The following LARGE1 variants were observed in gnomAD, a reference collection of about 807,000 sequenced individuals.
LARGE1 encodes the protein xylosyl- and glucuronyltransferase LARGE1.
LARGE1 carries 43 observed loss-of-function variants against 87.6 expected under a neutral mutation model. That is an observed-to-expected ratio of 0.49 (90% CI 0.38 to 0.63). The LOEUF (loss-of-function observed/expected upper bound fraction) is 0.63. LARGE1 is among the 30% of genes least tolerant of loss of function. LARGE1 has a pLI of 0.00. For synonymous variants in LARGE1, 434 were observed against 394.6 expected, an observed-to-expected ratio of 1.10 and a Z score of -1.18; for missense variants, 802 against 1,000.2, an observed-to-expected ratio of 0.80 and a Z score of 2.67.
chr22:33,092,447 T>C, the LARGE1 span, among the ~76,000 whole-genome samples: 1 of 152,130 alleles, frequency 6.6e-6, no homozygotes, highest in Non-Finnish European at 1.5e-5. Flanking sequence ...TTTTCTTTTC[T>C]TTTTTAAATT....
chr22:33,546,419 T>C (rs1474252677), intron 6 of LARGE1, among the ~76,000 whole-genome samples: 2 of 152,142 alleles, frequency 1.3e-5, no homozygotes, highest in Non-Finnish European at 2.9e-5. Context: ...ATGGGGGATG[T>C]CTTTCCCAGG....
intron 11 of LARGE1, among the ~76,000 whole-genome samples, chr22:33,238,004 T>C (rs1178914139): frequency 1.3e-5 from 2 of 152,176 alleles, no homozygotes; most frequent in Non-Finnish European, 2.9e-5. Context: ...AAGTTATATC[T>C]TGAGACCAGG....
chr22:33,350,810 AC>A (rs1412120391), intron 9 of LARGE1, among the ~76,000 whole-genome samples: 3 of 152,144 alleles, frequency 2.0e-5, no homozygotes, highest in African/African-American at 7.2e-5. Flanking sequence ...GTCATGCCTG[AC>A]CAGCCAGAAG....
the LARGE1 span, among the ~76,000 whole-genome samples, chr22:33,111,131 G>T: frequency 2.0e-5 from 3 of 152,158 alleles, no homozygotes; most frequent in Admixed American, 6.6e-5. Flanking sequence ...AGGAGGAGCT[G>T]GTTGTAGTTA....
chr22:33,183,636 A>ACACACACGCACG (rs1555880698), intron 11 of LARGE1, among the ~76,000 whole-genome samples: 104 of 150,262 alleles, frequency 6.9e-4, no homozygotes, highest in African/African-American at 1.5e-3. Context: ...ACACACACAC[A>ACACACACGCACG]CACACACACA....
intron 9 of LARGE1, among the ~76,000 whole-genome samples, chr22:33,342,184 G>A (rs1242143621): frequency 6.6e-6 from 1 of 152,184 alleles, no homozygotes; most frequent in Non-Finnish European, 1.5e-5. Flanking sequence ...ACCCAGTGGG[G>A]GGATCGTGTC....
chr22:33,291,711 G>T (rs1025120775), intron 12 of LARGE1, among the ~76,000 whole-genome samples: 1 of 151,008 alleles, frequency 6.6e-6, no homozygotes, highest in African/African-American at 2.4e-5. Flanking sequence ...CTTGACAAGA[G>T]AGAGTTTGGT....
rs1601498121 is a variant in LARGE1 at position 33,336,251 on chromosome 22, A to G, written c.1287+1395T>C. On this transcript the variant is annotated intron_variant, in intron 10 of 14. Transcript: ENST00000397394. ...AGTCTCACTTTGTTGCCCAGGCTTG[A>G]GTGTAGTGGCATGATCTCGGCTCAC... 2.0e-5 allele frequency among the ~76,000 whole-genome samples: 3 copies of G among 152,170 alleles called. No homozygotes were observed. In the East Asian group the frequency reaches 5.8e-4, roughly 29 times the overall value.
At chr22:33,193,642 A>T (rs966043067) in intron 11 of LARGE1, among the ~76,000 whole-genome samples, 11 of 151,966 alleles carry the variant, frequency 7.2e-5, no homozygotes, top group Non-Finnish European at 1.3e-4. Context: ...ACATAGTGAA[A>T]CCCCATCTCT....
At chr22:33,876,295 T>C (rs987039372) in intron 1 of LARGE1, among the ~76,000 whole-genome samples, 1 of 151,844 alleles carries the variant, frequency 6.6e-6, no homozygotes, top group Non-Finnish European at 1.5e-5. Context: ...TGCTCAAAAG[T>C]GTGGGCCCAC....
At chr22:33,843,704 A>G (rs966171895) in intron 1 of LARGE1, among the ~76,000 whole-genome samples, 5 of 152,010 alleles carry the variant, frequency 3.3e-5, no homozygotes, top group African/African-American at 1.2e-4. Context: ...TGCAGGTTTG[A>G]GTGCAGTAAA....
At chr22:33,516,809 C>T (rs2071328030) in intron 6 of LARGE1, among the ~76,000 whole-genome samples, 1 of 152,142 alleles carries the variant, frequency 6.6e-6, no homozygotes, top group African/African-American at 2.4e-5. Context: ...TGGTCTCGAT[C>T]TCTTGACCTT....
intron 2 of LARGE1, among the ~76,000 whole-genome samples, chr22:33,672,122 G>C (rs2081433179): frequency 6.6e-6 from 1 of 152,122 alleles, no homozygotes; most frequent in African/African-American, 2.4e-5. Context: ...ACACCCCTGG[G>C]TTTTAGAAAG....
At chr22:33,097,722 C>G in the LARGE1 span, among the ~76,000 whole-genome samples, 1 of 152,178 alleles carries the variant, frequency 6.6e-6, no homozygotes, top group Non-Finnish European at 1.5e-5. Context: ...AAAGAATTAA[C>G]AGTTGAGGTC....
the LARGE1 span, among the ~76,000 whole-genome samples, chr22:33,143,925 T>A: frequency 6.6e-3 from 1,007 of 152,302 alleles, 10 homozygotes; most frequent in Non-Finnish European, 0.01. Flanking sequence ...TTGCTCTATA[T>A]GTTAAAATTT....
intron 6 of LARGE1, among the ~76,000 whole-genome samples, chr22:33,448,838 C>T (rs367973350): frequency 6.6e-6 from 1 of 152,178 alleles, no homozygotes; most frequent in African/African-American, 2.4e-5. Flanking sequence ...TAGTGCACCA[C>T]GACCATCAAG....
intron 1 of LARGE1, among the ~76,000 whole-genome samples, chr22:33,822,903 C>A (rs1427401181): frequency 6.6e-6 from 1 of 152,148 alleles, no homozygotes; most frequent in Non-Finnish European, 1.5e-5. Context: ...AGAAGTAGAA[C>A]ATGATCCCCC....
chr22:33,578,700 A>G (rs1476719935), intron 5 of LARGE1, among the ~76,000 whole-genome samples: 2 of 152,192 alleles, frequency 1.3e-5, no homozygotes, highest in East Asian at 3.9e-4. Flanking sequence ...TCTTTCCAAA[A>G]ACCTTAATCG....
At chr22:33,533,718 C>T (rs2076961974) in intron 6 of LARGE1, among the ~76,000 whole-genome samples, 1 of 152,176 alleles carries the variant, frequency 6.6e-6, no homozygotes, top group Admixed American at 6.5e-5. Flanking sequence ...AACTGCCCCA[C>T]TTCATCTTCT....
Sources: allele counts gnomAD v4.1 joint callset (sites outside exome capture counted in the v4.1 genomes callset), GRCh38; gene constraint gnomAD v4.1.1; transcripts MANE v1.5; gene names NCBI Gene and HGNC (gene_info 2026-07-23, HGNC 2026-07-21).